Variants in NOX4 observed in about 807,000 individuals in gnomAD.
NOX4 encodes kidney oxidase-1.
A neutral mutation model predicts 87.6 loss-of-function variants in NOX4; 69 were observed. The observed-to-expected ratio is 0.79, with a 90% CI of 0.65 to 0.96. The LOEUF (loss-of-function observed/expected upper bound fraction) is 0.96, where lower values mean the gene tolerates loss of function less well. Among genes scored for constraint, NOX4 ranks in the 40% least tolerant of loss-of-function variants. The pLI, the probability that NOX4 is intolerant of heterozygous loss-of-function variation, is 0.00. For synonymous variants in NOX4, 275 were observed against 238.2 expected (o/e 1.15, Z -1.42); for missense variants, 680 against 681.5 (o/e 1.00, Z 0.02).
At chr11:89,433,788 T>C (rs552468830) in intron 6 of NOX4, among the ~76,000 whole-genome samples, 1 of 152,172 alleles carries the variant, frequency 6.6e-6, no homozygotes, top group African/African-American at 2.4e-5. Flanking sequence ...TGCAAATATA[T>C]TGTCAAAATT....
At chr11:89,511,039 C>T in the NOX4 span, among the ~76,000 whole-genome samples, 1 of 151,894 alleles carries the variant, frequency 6.6e-6, no homozygotes, top group Non-Finnish European at 1.5e-5. Flanking sequence ...AAACATAATT[C>T]TTTGTGTCGT....
intron 7 of NOX4, among the ~76,000 whole-genome samples, chr11:89,430,487 A>T (rs918221516): frequency 2.6e-5 from 4 of 152,234 alleles, no homozygotes; most frequent in African/African-American, 9.6e-5. Context: ...CCTTAAGGTG[A>T]TAAGCAACTT....
the NOX4 span, among the ~76,000 whole-genome samples, chr11:89,586,457 A>T: frequency 1.3e-5 from 2 of 152,218 alleles, no homozygotes; most frequent in Non-Finnish European, 2.9e-5. Context: ...ACTAAGTGTC[A>T]GAGTGAGCTT....
the NOX4 span, among the ~76,000 whole-genome samples, chr11:89,506,898 G>T: frequency 6.6e-6 from 1 of 151,798 alleles, no homozygotes; most frequent in Non-Finnish European, 1.5e-5. Context: ...GAATGGCTAA[G>T]ATTAAAAAGG....
the NOX4 span, chr11:89,589,333 T>C: frequency 6.6e-6 from 1 of 152,214 alleles, no homozygotes; most frequent in Middle Eastern, 3.2e-3. Flanking sequence ...GGAATTTCTT[T>C]CTCTACCCCT....
intron 7 of NOX4, among the ~76,000 whole-genome samples, chr11:89,422,696 A>C (rs1591187720): frequency 6.6e-6 from 1 of 152,162 alleles, no homozygotes; most frequent in East Asian, 1.9e-4. Flanking sequence ...AGAAACCCTT[A>C]CTTAAGCAGC....
intron 11 of NOX4, among the ~76,000 whole-genome samples, chr11:89,387,758 T>C (rs926389176): frequency 6.6e-6 from 1 of 152,184 alleles, no homozygotes; most frequent in Non-Finnish European, 1.5e-5. Context: ...TTTCTTGCTC[T>C]CTTACGTTAG....
At chr11:89,581,726 C>T in the NOX4 span, among the ~76,000 whole-genome samples, 1 of 152,072 alleles carries the variant, frequency 6.6e-6, no homozygotes, top group Non-Finnish European at 1.5e-5. Flanking sequence ...AATCTACATA[C>T]AAAATGCTGT....
At chr11:89,481,919 A>C (rs1294942725) in intron 2 of NOX4, among the ~76,000 whole-genome samples, 6 of 152,082 alleles carry the variant, frequency 3.9e-5, no homozygotes, top group Admixed American at 3.9e-4. Flanking sequence ...TATTGGCCTC[A>C]GTGGTGTGCA....
chr11:89,512,464 A>G, the NOX4 span, among the ~76,000 whole-genome samples: 4 of 152,020 alleles, frequency 2.6e-5, no homozygotes, highest in African/African-American at 7.2e-5. Flanking sequence ...TTACCATTCT[A>G]TTCTCTGATT....
At chr11:89,364,203 T>C (rs938877643) in intron 12 of NOX4, among the ~76,000 whole-genome samples, 2 of 152,064 alleles carry the variant, frequency 1.3e-5, no homozygotes, top group African/African-American at 2.4e-5. Flanking sequence ...GCTATGATTA[T>C]GCTACTGCAC....
At chr11:89,553,518 C>T in the NOX4 span, among the ~76,000 whole-genome samples, 5 of 152,052 alleles carry the variant, frequency 3.3e-5, no homozygotes, top group African/African-American at 4.8e-5. Context: ...CAAACTAATA[C>T]AAAGGCTATT....
chr11:89,501,580 T>C (rs1947020837), upstream of NOX4, among the ~76,000 whole-genome samples: 1 of 152,084 alleles, frequency 6.6e-6, no homozygotes, highest in African/African-American at 2.4e-5. Flanking sequence ...AGAATTTTAT[T>C]ATCATAAGAA....
intron 2 of NOX4, among the ~76,000 whole-genome samples, chr11:89,474,801 A>T (rs1946095289): frequency 6.6e-6 from 1 of 151,932 alleles, no homozygotes; most frequent in African/African-American, 2.4e-5. Flanking sequence ...TTGACATTTA[A>T]TATATTTTAA....
intron 7 of NOX4, among the ~76,000 whole-genome samples, chr11:89,425,093 C>A (rs1361363179): frequency 6.6e-6 from 1 of 151,968 alleles, no homozygotes; most frequent in African/African-American, 2.4e-5. Flanking sequence ...CAAAACTATA[C>A]CTCAAGGATT....
At chr11:89,422,794 G>A (rs1342762939) in intron 7 of NOX4, among the ~76,000 whole-genome samples, 1 of 131,080 alleles carries the variant, frequency 7.6e-6, no homozygotes, top group African/African-American at 2.8e-5. Context: ...ACAAAGTTCT[G>A]ATTTTTTTTT....
At chr11:89,506,289 A>G in the NOX4 span, among the ~76,000 whole-genome samples, 2 of 81,386 alleles carry the variant, frequency 2.5e-5, no homozygotes, top group East Asian at 7.4e-4. Context: ...GAAAGGAAGA[A>G]AGAAAGAAAG....
At chr11:89,553,433 G>T in the NOX4 span, among the ~76,000 whole-genome samples, 2 of 152,054 alleles carry the variant, frequency 1.3e-5, no homozygotes, top group South Asian at 4.1e-4. Context: ...CCAGCCATGT[G>T]GAACTGTGAG....
intron 2 of NOX4, among the ~76,000 whole-genome samples, chr11:89,474,195 TC>T (rs1204256905): frequency 2.6e-5 from 4 of 152,130 alleles, no homozygotes; most frequent in African/African-American, 9.7e-5. Flanking sequence ...GTATTTGTAG[TC>T]CTCTTTTCTC....
Sources: allele counts gnomAD v4.1 joint callset (sites outside exome capture counted in the v4.1 genomes callset), GRCh38; gene constraint gnomAD v4.1.1; transcripts MANE v1.5; gene names NCBI Gene and HGNC (gene_info 2026-07-23, HGNC 2026-07-21).